The following XPO6 variants were observed in gnomAD, a reference collection of about 807,000 sequenced individuals.
The protein encoded by XPO6 is exportin 6, also known as exportin-6.
In XPO6, 3 loss-of-function variants were observed where a neutral mutation model predicts 130.0. The ratio of observed to expected loss-of-function variants is 0.02; its 90% confidence interval spans 0.01 to 0.06. The LOEUF (loss-of-function observed/expected upper bound fraction) is 0.06, where lower values mean the gene tolerates loss of function less well. Among genes scored for constraint, XPO6 ranks in the 10% least tolerant of loss-of-function variants. XPO6 has a pLI of 1.00. For synonymous variants in XPO6, 524 were observed against 548.9 expected (o/e 0.95, Z 0.63); for missense variants, 970 against 1,393.0 (o/e 0.70, Z 4.83).
Position 28,178,631 on chromosome 16 carries a change from G to C in XPO6, c.95-1299C>G, listed in dbSNP as rs1315269977. 5.3e-5 allele frequency among the ~76,000 whole-genome samples: 8 copies of C among 151,946 alleles called. No individual in the cohort carries two copies. In the East Asian group the frequency reaches 1.6e-3, roughly 29 times the overall value. On this transcript the variant is annotated intron_variant, in intron 2 of 23. Transcript: ENST00000304658. ...AAAAAAAACTCGACAACTTAGGAGA[G>C]TGTCAAAATGAACATGCTTTGGTGT...
chr16:28,107,720 G>C, intron 17 of XPO6, 43 bp from the exon 18 acceptor site: 1 of 1,605,666 alleles, frequency 6.2e-7, no homozygotes, highest in Non-Finnish European at 8.5e-7. Flanking sequence ...TGTCTGGGGA[G>C]AAAGCATGGT....
intron 1 of XPO6, among the ~76,000 whole-genome samples, chr16:28,205,992 C>A (rs1029809845): frequency 6.8e-6 from 1 of 147,390 alleles, no homozygotes; most frequent in African/African-American, 2.5e-5. Context: ...GAGCTGAGAT[C>A]ACGCCACTGC....
chr16:28,099,175 G>A (rs1306558749), intron 23 of XPO6, among the ~76,000 whole-genome samples: 2 of 152,304 alleles, frequency 1.3e-5, no homozygotes, highest in African/African-American at 2.4e-5. Context: ...AGAGCCACCC[G>A]AGCAGCAGCA....
At chr16:28,124,160 C>T (rs949542866) in intron 13 of XPO6, among the ~76,000 whole-genome samples, 4 of 151,558 alleles carry the variant, frequency 2.6e-5, no homozygotes, top group Middle Eastern at 6.8e-3. Flanking sequence ...CAGGTTCAAG[C>T]GATTCTCCTG....
chr16:28,159,628 A>G (rs2043239575), intron 6 of XPO6, among the ~76,000 whole-genome samples: 1 of 152,202 alleles, frequency 6.6e-6, no homozygotes, highest in African/African-American at 2.4e-5. Context: ...TTACATAGAG[A>G]CTCAAGACTA....
chr16:28,106,592 A>C lies in XPO6; in HGVS notation c.2498-95T>G. 1.1e-6 allele frequency: 1 copy of C among 932,810 alleles called. No individual in the cohort carries two copies. The highest frequency in any genetic ancestry group is 1.7e-6 in the Non-Finnish European group (1 of 585,980). 57.8% of individuals were successfully genotyped at this position (932,810 alleles called of 1,614,324 possible). ...ACCTACTCCTGAAATCTGCACTATCAGCTTTCTCTACAGCTTCCTGCTGGA... is the reference window on the plus strand; with the variant it reads ...ACCTACTCCTGAAATCTGCACTATCCGCTTTCTCTACAGCTTCCTGCTGGA... On this transcript the variant is annotated intron_variant, in intron 18 of 23. Coordinates refer to ENST00000304658, the MANE Select transcript of XPO6 (RefSeq NM_015171.4). The surrounding 1 kb of genome is among the most constrained non-coding windows in gnomAD (Gnocchi z 4.2).
chr16:28,204,467 A>G (rs2043998411), intron 1 of XPO6, among the ~76,000 whole-genome samples: 2 of 151,992 alleles, frequency 1.3e-5, no homozygotes, highest in Non-Finnish European at 2.9e-5. Context: ...GAGCAGGAAC[A>G]TGCCCAGAAG....
intron 17 of XPO6, 144 bp from the exon 18 acceptor site, chr16:28,107,821 C>A: frequency 1.1e-6 from 1 of 912,384 alleles, no homozygotes. Context: ...CTCTTGATTA[C>A]AATATAAATT....
intron 15 of XPO6, among the ~76,000 whole-genome samples, chr16:28,114,912 C>A (rs1216519124): frequency 6.6e-6 from 1 of 152,196 alleles, no homozygotes; most frequent in African/African-American, 2.4e-5. Context: ...AGCATCTTCA[C>A]CAGTTGATTC....
intron 1 of XPO6, among the ~76,000 whole-genome samples, chr16:28,184,057 T>C (rs977305153): frequency 1.3e-5 from 2 of 152,038 alleles, no homozygotes; most frequent in Admixed American, 6.6e-5. Flanking sequence ...AGAAAGTAGA[T>C]TGGGTGAGTT....
At chr16:28,169,685 C>G in intron 5 of XPO6, 65 bp downstream of exon 5, 1 of 1,580,576 alleles carries the variant, frequency 6.3e-7, no homozygotes, top group Admixed American at 1.8e-5. Context: ...CTGCTGAGTG[C>G]CAAGGCCTGA....
Position 28,150,596 on chromosome 16 carries a change from T to C in XPO6, c.1224+2063A>G, listed in dbSNP as rs530683177. ...AATCCAAAGAATCAGGCATAAGACA[T>C]GCCTACTTTAAAAGATGTTTCACTT... On this transcript the variant is annotated intron_variant, in intron 8 of 23. Coordinates refer to ENST00000304658, the MANE Select transcript of XPO6 (RefSeq NM_015171.4). 9.9e-5 allele frequency among the ~76,000 whole-genome samples: 15 copies of C among 152,222 alleles called. No homozygotes were observed. In the South Asian group the frequency reaches 3.1e-3, roughly 32 times the overall value.
intron 7 of XPO6, chr16:28,153,688 A>T: frequency 1.0e-6 from 1 of 985,484 alleles, no homozygotes; most frequent in Non-Finnish European, 1.2e-6. Flanking sequence ...TGAGATGGCC[A>T]TACCTTCATA....
chr16:28,150,890 C>T (rs548549573), intron 8 of XPO6, among the ~76,000 whole-genome samples: 2 of 152,230 alleles, frequency 1.3e-5, no homozygotes, highest in Admixed American at 1.3e-4. Flanking sequence ...CCTGCAGTCA[C>T]TTCAAGTTCT....
Position 28,125,746 on chromosome 16 carries a change from T to C in XPO6, c.1709A>G (p.Tyr570Cys). The C allele has an allele frequency of 6.2e-7, 1 of 1,614,206 alleles. No homozygotes were observed. Among genetic ancestry groups the C allele is most frequent in the Non-Finnish European group, 8.5e-7 (1 of 1,180,040 alleles). ...TGCAGCAAACACATCCCCGATAAAG[T>C]ACTCGGCCAGGCGGCCCACGGCCTG... ...LLQAVGRLAE[Y>C]FIGDVFAARF... The change falls in exon 13 of 24, where the codon TAC (tyrosine) becomes TGC (cysteine). Residue 570 changes from tyrosine to cysteine, a missense_variant. Around this residue, in one of 4 missense-constraint regions of XPO6, gnomAD observed 936 missense variants for 1,306.8 expected, o/e 0.72. Transcript: ENST00000304658.
intron 1 of XPO6, among the ~76,000 whole-genome samples, chr16:28,208,470 T>C (rs1023578810): frequency 6.6e-6 from 1 of 152,320 alleles, no homozygotes; most frequent in Non-Finnish European, 1.5e-5. Flanking sequence ...CCCAAGCCCC[T>C]GACCCTGGGA....
intron 4 of XPO6, among the ~76,000 whole-genome samples, chr16:28,170,332 C>CAAAA (rs10638478): frequency 3.7e-5 from 3 of 81,352 alleles, no homozygotes; most frequent in Admixed American, 1.2e-4. Flanking sequence ...AACTCTGTCT[C>CAAAA]AAAAAAAAAA....
At chr16:28,207,595 C>T (rs1366282094) in intron 1 of XPO6, among the ~76,000 whole-genome samples, 1 of 152,170 alleles carries the variant, frequency 6.6e-6, no homozygotes, top group Non-Finnish European at 1.5e-5. Flanking sequence ...ACAAAATTCC[C>T]CATACTCCCT....
At chr16:28,099,560 C>T (rs1222593514) in intron 23 of XPO6, among the ~76,000 whole-genome samples, 2 of 152,250 alleles carry the variant, frequency 1.3e-5, no homozygotes, top group Non-Finnish European at 2.9e-5. Context: ...CCTCCTGCTT[C>T]GCAGCTCTAC....
Sources: allele counts gnomAD v4.1 joint callset (sites outside exome capture counted in the v4.1 genomes callset), GRCh38; gene constraint gnomAD v4.1.1; regional missense constraint gnomAD v4.1.1; non-coding constraint Gnocchi (gnomAD v3.1); transcripts MANE v1.5; gene names NCBI Gene and HGNC (gene_info 2026-07-23, HGNC 2026-07-21).